The following CCNY variants were observed in gnomAD, a reference collection of about 807,000 sequenced individuals.
CCNY encodes the protein cyclin-Y.
Under a neutral mutation model 42.8 loss-of-function variants are expected in CCNY, and 19 were observed. The observed-to-expected ratio is 0.44, with a 90% CI of 0.31 to 0.65. The LOEUF (loss-of-function observed/expected upper bound fraction) is 0.65, where lower values mean the gene tolerates loss of function less well. Among genes scored for constraint, CCNY ranks in the 30% least tolerant of loss-of-function variants. The pLI, the probability that CCNY is intolerant of heterozygous loss-of-function variation, is 0.07. For missense variants in CCNY, 370 were observed against 437.3 expected, an observed-to-expected ratio of 0.85 and a Z score of 1.37; for synonymous variants, 165 against 162.7, an observed-to-expected ratio of 1.01 and a Z score of -0.11.
intron 1 of CCNY, among the ~76,000 whole-genome samples, chr10:35,395,750 C>G (rs925278503): frequency 1.3e-5 from 2 of 152,168 alleles, no homozygotes; most frequent in African/African-American, 4.8e-5. Flanking sequence ...CTGTCAGCGC[C>G]TGGTTGTGTG....
intron 2 of CCNY, among the ~76,000 whole-genome samples, chr10:35,490,582 C>T (rs1278961076): frequency 6.6e-6 from 1 of 152,210 alleles, no homozygotes; most frequent in Admixed American, 6.5e-5. Flanking sequence ...GGGGGTCTAA[C>T]GCCTGAAGAG....
In CCNY at chr10:35,496,048, A is replaced by G. The variant is rs116169152; in HGVS notation, c.230-5453A>G. 6.8e-3 allele frequency among the ~76,000 whole-genome samples: 1,035 copies of G among 152,360 alleles called. 11 individuals are homozygous for G. Among genetic ancestry groups the G allele is most frequent in the African/African-American group, 0.024 (989 of 41,582 alleles). ...TACCCACAGGAAAAAGGAAAGGGAA[A>G]TGAAACCTTTTCTTTTCAACCAGAT... On this transcript the variant is annotated intron_variant, in intron 2 of 9. Transcript: ENST00000374704.
chr10:35,449,388 A>G (rs1011805170), intron 1 of CCNY, among the ~76,000 whole-genome samples: 1 of 152,076 alleles, frequency 6.6e-6, no homozygotes, highest in Non-Finnish European at 1.5e-5. Context: ...AGATGTGGCC[A>G]TTGAATTAGC....
intron 3 of CCNY, among the ~76,000 whole-genome samples, chr10:35,278,775 C>T (rs1424423829): frequency 6.6e-6 from 1 of 152,174 alleles, no homozygotes; most frequent in Non-Finnish European, 1.5e-5. Context: ...GGTTGAGGGC[C>T]TTCCCAGTAA....
chr10:35,516,075 A>T (rs1840420825), intron 3 of CCNY, among the ~76,000 whole-genome samples: 1 of 152,236 alleles, frequency 6.6e-6, no homozygotes, highest in African/African-American at 2.4e-5. Flanking sequence ...TGCATTTTCC[A>T]TGGCCCCTAA....
At chr10:35,565,026 C>G (rs926889478) in intron 8 of CCNY, among the ~76,000 whole-genome samples, 3 of 152,134 alleles carry the variant, frequency 2.0e-5, no homozygotes, top group Non-Finnish European at 4.4e-5. Flanking sequence ...CTGGGGAGAA[C>G]GTGCTGAATC....
intron 1 of CCNY, among the ~76,000 whole-genome samples, chr10:35,342,910 A>C (rs917354578): frequency 6.6e-6 from 1 of 151,970 alleles, no homozygotes; most frequent in Non-Finnish European, 1.5e-5. Context: ...GGCCTGGCCC[A>C]GCCCACTTTG....
intron 1 of CCNY, among the ~76,000 whole-genome samples, chr10:35,364,535 G>T (rs1836769075): frequency 6.6e-6 from 1 of 152,146 alleles, no homozygotes; most frequent in South Asian, 2.1e-4. Context: ...ATGCCAGTAG[G>T]ATGCTCTTTG....
chr10:35,306,974 A>G (rs74838581), intron 3 of CCNY, among the ~76,000 whole-genome samples: 2 of 129,942 alleles, frequency 1.5e-5, no homozygotes, highest in Non-Finnish European at 3.3e-5. Flanking sequence ...GGGAATCAGT[A>G]AGTTCTCTCC....
intron 2 of CCNY, among the ~76,000 whole-genome samples, chr10:35,487,193 A>T (rs1839805459): frequency 6.6e-6 from 1 of 152,132 alleles, no homozygotes; most frequent in Admixed American, 6.5e-5. Flanking sequence ...TGGGTCTTCT[A>T]CCCTATTTTT....
rs1420534287 is a variant in CCNY, at chr10:35,468,414, T to C, written c.155-14990T>C. ...GCATGCATGTATAGACGTGTGTGTA[T>C]ATGTGTGTGTCTCTATGTGAATCCT... On this transcript the variant is annotated intron_variant, in intron 1 of 9. Transcript: ENST00000374704. Among the ~76,000 whole-genome samples the C allele has an allele frequency of 2.0e-5, 3 of 152,234 alleles. No homozygotes were observed. In the East Asian group the frequency reaches 5.8e-4, roughly 29 times the overall value.
intron 1 of CCNY, among the ~76,000 whole-genome samples, chr10:35,427,216 G>A (rs1016465597): frequency 6.6e-6 from 1 of 152,206 alleles, no homozygotes; most frequent in African/African-American, 2.4e-5. Flanking sequence ...TCAGTCGAGC[G>A]TTGTTGGTAG....
intron 3 of CCNY, among the ~76,000 whole-genome samples, chr10:35,269,777 C>T (rs1308736296): frequency 1.3e-5 from 2 of 151,574 alleles, no homozygotes; most frequent in African/African-American, 4.9e-5. Context: ...TTACAGGTGC[C>T]CACCACCATG....
chr10:35,280,391 A>G (rs1835286348), intron 3 of CCNY, among the ~76,000 whole-genome samples: 1 of 151,296 alleles, frequency 6.6e-6, no homozygotes, highest in Admixed American at 6.6e-5. Flanking sequence ...GGAAGAAAGG[A>G]AGAAGGAAAG....
At chr10:35,354,435 T>G (rs972457617) in intron 1 of CCNY, among the ~76,000 whole-genome samples, 1 of 152,186 alleles carries the variant, frequency 6.6e-6, no homozygotes, top group Non-Finnish European at 1.5e-5. Flanking sequence ...TCTGTCCGTC[T>G]TGGCGTCCCA....
intron 1 of CCNY, among the ~76,000 whole-genome samples, chr10:35,440,940 TG>T (rs1169679534): frequency 6.6e-6 from 1 of 152,272 alleles, no homozygotes; most frequent in East Asian, 1.9e-4. Context: ...TTTTAACAAG[TG>T]TACCTGGGAA....
intron 1 of CCNY, among the ~76,000 whole-genome samples, chr10:35,443,682 A>G (rs1173405793): frequency 1.3e-5 from 2 of 152,228 alleles, no homozygotes; most frequent in Non-Finnish European, 2.9e-5. Flanking sequence ...GCTAGCCGTA[A>G]TAAAGAAAGG....
At chr10:35,317,005 C>T (rs1835767920) in intron 3 of CCNY, among the ~76,000 whole-genome samples, 1 of 152,142 alleles carries the variant, frequency 6.6e-6, no homozygotes, top group Non-Finnish European at 1.5e-5. Context: ...GCCACCACGC[C>T]CGGCTAATTT....
chr10:35,524,214 A>C (rs1847963176), intron 4 of CCNY, among the ~76,000 whole-genome samples: 1 of 152,230 alleles, frequency 6.6e-6, no homozygotes, highest in Admixed American at 6.5e-5. Context: ...CAGGACTGTT[A>C]ACATACGTGA....
Sources: allele counts gnomAD v4.1 joint callset (sites outside exome capture counted in the v4.1 genomes callset), GRCh38; gene constraint gnomAD v4.1.1; transcripts MANE v1.5; gene names NCBI Gene and HGNC (gene_info 2026-07-23, HGNC 2026-07-21).